DGKB: variants seen among roughly 807,000 people sequenced by gnomAD.
DGKB encodes the protein diacylglycerol kinase beta, also known as 90 kDa diacylglycerol kinase.
Under a neutral mutation model 114.3 loss-of-function variants are expected in DGKB, and 67 were observed. The observed-to-expected ratio is 0.59, with a 90% CI of 0.48 to 0.72. DGKB has a LOEUF of 0.72. DGKB is among the 30% of genes least tolerant of loss of function. The pLI is 0.00. For synonymous variants in DGKB, 398 were observed against 323.1 expected, an observed-to-expected ratio of 1.23 and a Z score of -2.49; for missense variants, 907 against 975.2, an observed-to-expected ratio of 0.93 and a Z score of 0.93.
intron 23 of DGKB, among the ~76,000 whole-genome samples, chr7:14,241,013 CA>C: frequency 6.6e-6 from 1 of 152,004 alleles, no homozygotes; most frequent in African/African-American, 2.4e-5. Context: ...GACTCTCAGT[CA>C]TAAATGCCAG....
chr7:14,517,714 A>C (rs781453216), intron 20 of DGKB, among the ~76,000 whole-genome samples: 11 of 152,144 alleles, frequency 7.2e-5, no homozygotes, highest in Non-Finnish European at 1.6e-4. Flanking sequence ...AAAAAGGCCC[A>C]AAATCAATAA....
At chr7:14,154,652 C>T (rs1410515770) in intron 25 of DGKB, among the ~76,000 whole-genome samples, 1 of 151,310 alleles carries the variant, frequency 6.6e-6, no homozygotes, top group Non-Finnish European at 1.5e-5. Context: ...TTCTATAGCA[C>T]TAAGTAAGTA....
chr7:14,632,470 T>C (rs1036209610), intron 13 of DGKB, among the ~76,000 whole-genome samples: 1 of 151,802 alleles, frequency 6.6e-6, no homozygotes, highest in Non-Finnish European at 1.5e-5. Flanking sequence ...ATAGCAATTA[T>C]TGAATATATG....
At position 14,840,699 on chromosome 7, in the gene DGKB, AACACACACACACACACACAC is replaced by A. The variant is rs57577998; in HGVS notation, c.70+475_70+494del. ...GACTCCCTGCTTCCTACTCTCTTTT[AACACACACACACACACACAC>A]ACACACACACACACACACACACACA... On this transcript the variant is annotated intron_variant, in intron 2 of 25. Coordinates refer to ENST00000402815, the MANE Select transcript of DGKB (RefSeq NM_001350709.2). Among the ~76,000 whole-genome samples, 704 of 130,286 alleles carry A rather than the reference AACACACACACACACACACAC, an allele frequency of 5.4e-3. 8 individuals are homozygous for A. Among genetic ancestry groups the A allele is most frequent in the African/African-American group, 0.018 (664 of 37,430 alleles). The allele number at this position is 130,286 out of a possible 152,430, so 85.5% of individuals were successfully genotyped here.
At chr7:14,326,195 T>C (rs938013286) in intron 23 of DGKB, among the ~76,000 whole-genome samples, 4 of 152,108 alleles carry the variant, frequency 2.6e-5, no homozygotes, top group Non-Finnish European at 5.9e-5. Flanking sequence ...TCTCCCCTAT[T>C]AGCAGCTGCT....
chr7:14,367,344 C>T (rs148876889), intron 21 of DGKB, among the ~76,000 whole-genome samples: 32 of 152,074 alleles, frequency 2.1e-4, no homozygotes, highest in East Asian at 7.8e-4. Flanking sequence ...ATCATGAGGG[C>T]GGGTTTTTTC....
At chr7:14,613,074 T>A (rs1805856101) in intron 16 of DGKB, among the ~76,000 whole-genome samples, 1 of 152,112 alleles carries the variant, frequency 6.6e-6, no homozygotes, top group African/African-American at 2.4e-5. Context: ...GAAGCCAGAC[T>A]CTTTGTTAGG....
At position 14,910,314 on chromosome 7, in the gene DGKB, G is replaced by GAAAA. The variant is rs1209418948; in HGVS notation, c.-188+64381_-188+64382insTTTT. On this transcript the variant is annotated intron_variant, in intron 1 of 4. Transcript: ENST00000437998. Reference sequence around the variant, plus strand: ...AGAAAGAAAGAAAGAAAGAAAGAAAGAACCTTATATATTAGGAGAAGGCAA... The same window carrying GAAAA: ...AGAAAGAAAGAAAGAAAGAAAGAAAGAAAAAACCTTATATATTAGGAGAAGGCAA... Among the ~76,000 whole-genome samples, 393 of 132,358 alleles carry GAAAA rather than the reference G, an allele frequency of 3.0e-3. 3 individuals are homozygous for GAAAA. The highest frequency in any genetic ancestry group is 0.011 in the African/African-American group (384 of 35,810). 86.8% of individuals were successfully genotyped at this position (132,358 alleles called of 152,430 possible).
At chr7:14,257,415 C>A (rs950057428) in intron 23 of DGKB, among the ~76,000 whole-genome samples, 2 of 152,018 alleles carry the variant, frequency 1.3e-5, no homozygotes, top group African/African-American at 2.4e-5. Flanking sequence ...ACCAAATAAA[C>A]CAACGGACTA....
At chr7:14,686,274 A>G (rs1031615652) in intron 9 of DGKB, among the ~76,000 whole-genome samples, 1 of 152,164 alleles carries the variant, frequency 6.6e-6, no homozygotes, top group Non-Finnish European at 1.5e-5. Context: ...AAATAAAATG[A>G]AATAATATGA....
chr7:14,249,372 G>A (rs1794911308), intron 23 of DGKB, among the ~76,000 whole-genome samples: 1 of 152,082 alleles, frequency 6.6e-6, no homozygotes, highest in Admixed American at 6.6e-5. Context: ...TAGTCGGGAG[G>A]TATTCCTTCT....
At chr7:14,786,378 G>C (rs886383990) in intron 2 of DGKB, among the ~76,000 whole-genome samples, 2 of 152,152 alleles carry the variant, frequency 1.3e-5, no homozygotes, top group African/African-American at 4.8e-5. Context: ...AATACCTAAA[G>C]ACCATGTCAA....
chr7:14,754,072 G>A (rs548053420), intron 3 of DGKB, 124 bp from the exon 4 acceptor site: 15 of 630,560 alleles, frequency 2.4e-5, no homozygotes, highest in Non-Finnish European at 3.3e-5. Flanking sequence ...ACACACCCTA[G>A]ATCCATAGGC....
chr7:14,890,304 G>A (rs1780987563), intron 1 of DGKB, among the ~76,000 whole-genome samples: 1 of 151,462 alleles, frequency 6.6e-6, no homozygotes, highest in African/African-American at 2.4e-5. Context: ...GATTTCTGAA[G>A]CTAAATAGCA....
intron 2 of DGKB, among the ~76,000 whole-genome samples, chr7:14,809,571 A>G (rs189035336): frequency 6.6e-6 from 1 of 152,298 alleles, no homozygotes; most frequent in African/African-American, 2.4e-5. Context: ...GGAGTCCCCT[A>G]CTAAGTTTTT....
intron 16 of DGKB, among the ~76,000 whole-genome samples, chr7:14,611,445 A>G (rs1805523908): frequency 6.6e-6 from 1 of 152,160 alleles, no homozygotes; most frequent in Non-Finnish European, 1.5e-5. Context: ...CTAACATATC[A>G]AAGTCAAAAA....
intron 9 of DGKB, among the ~76,000 whole-genome samples, chr7:14,690,266 G>A (rs1407931713): frequency 6.6e-6 from 1 of 152,100 alleles, no homozygotes; most frequent in Non-Finnish European, 1.5e-5. Flanking sequence ...TTCTCTTCTT[G>A]GCTAACTTCT....
chr7:14,642,936 T>C (rs1812095492), intron 13 of DGKB, among the ~76,000 whole-genome samples: 1 of 152,188 alleles, frequency 6.6e-6, no homozygotes, highest in African/African-American at 2.4e-5. Flanking sequence ...GTAATCTCTC[T>C]TTGGATAATG....
chr7:14,651,284 A>C (rs1297682644), intron 13 of DGKB, among the ~76,000 whole-genome samples: 1 of 152,134 alleles, frequency 6.6e-6, no homozygotes, highest in Non-Finnish European at 1.5e-5. Flanking sequence ...GCAGCACATC[A>C]AAAAGCTTAT....
Sources: allele counts gnomAD v4.1 joint callset (sites outside exome capture counted in the v4.1 genomes callset), GRCh38; gene constraint gnomAD v4.1.1; transcripts MANE v1.5; gene names NCBI Gene and HGNC (gene_info 2026-07-23, HGNC 2026-07-21).